GSE1: variants seen among roughly 807,000 people sequenced by gnomAD.
GSE1 encodes Gse1 coiled-coil protein.
In GSE1, 32 loss-of-function variants were observed where a neutral mutation model predicts 112.6. That is an observed-to-expected ratio of 0.28 (90% confidence interval 0.21 to 0.38). The LOEUF (loss-of-function observed/expected upper bound fraction) is 0.38, where lower values mean the gene tolerates loss of function less well. GSE1 is among the 10% of genes least tolerant of loss of function. GSE1 has a pLI of 1.00. For synonymous variants in GSE1, 1,115 were observed against 735.6 expected (o/e 1.52, Z -8.35); for missense variants, 2,348 against 1,699.2 (o/e 1.38, Z -6.71).
At chr16:85,518,253 G>A (rs1279203084) in intron 2 of GSE1, among the ~76,000 whole-genome samples, 1 of 152,228 alleles carries the variant, frequency 6.6e-6, no homozygotes, top group East Asian at 1.9e-4. Context: ...CTCTGGGTGT[G>A]AGGGCCCAAG....
chr16:85,510,521 G>A (rs1332637192), intron 2 of GSE1, among the ~76,000 whole-genome samples: 1 of 152,212 alleles, frequency 6.6e-6, no homozygotes, highest in East Asian at 1.9e-4. Flanking sequence ...GCAGCTGTGT[G>A]TGTGAGAACA....
At chr16:85,384,840 A>T (rs2047649931) in intron 2 of GSE1, among the ~76,000 whole-genome samples, 1 of 152,196 alleles carries the variant, frequency 6.6e-6, no homozygotes, top group Admixed American at 6.5e-5. Flanking sequence ...ACAGGAGGGG[A>T]CAGAGCAGGC....
intron 2 of GSE1, among the ~76,000 whole-genome samples, chr16:85,634,896 G>A (rs1313208427): frequency 6.6e-6 from 1 of 152,148 alleles, no homozygotes; most frequent in Non-Finnish European, 1.5e-5. Flanking sequence ...AGCTGCTGGG[G>A]GCCTTGGCCA....
chr16:85,640,108 C>T (rs2050319932), intron 2 of GSE1, among the ~76,000 whole-genome samples: 3 of 152,158 alleles, frequency 2.0e-5, no homozygotes, highest in African/African-American at 2.4e-5. Flanking sequence ...TCCTGGCTGG[C>T]GAGGAAGCCC....
upstream of GSE1, chr16:85,554,879 T>C (rs2045120960): frequency 1.0e-6 from 1 of 985,200 alleles, no homozygotes; most frequent in Non-Finnish European, 1.2e-6. Flanking sequence ...CGCCCACTGT[T>C]TGCAAACGGC....
chr16:85,413,568 G>A (rs569106053), intron 2 of GSE1, among the ~76,000 whole-genome samples: 3 of 152,256 alleles, frequency 2.0e-5, no homozygotes, highest in South Asian at 2.1e-4. Flanking sequence ...GTAAAGTCAC[G>A]TTAAGCACAC....
upstream of GSE1, among the ~76,000 whole-genome samples, chr16:85,552,373 C>T (rs530212557): frequency 9.2e-6 from 1 of 108,208 alleles, no homozygotes; most frequent in African/African-American, 3.1e-5. Flanking sequence ...CGCTCTGTGC[C>T]CAGGCTGGAG....
chr16:85,558,315 G>A (rs1046912398), intron 1 of GSE1, among the ~76,000 whole-genome samples: 1 of 152,244 alleles, frequency 6.6e-6, no homozygotes, highest in Admixed American at 6.5e-5. Flanking sequence ...CGGCAGCTAT[G>A]CCTGCCTTGG....
intron 3 of GSE1, among the ~76,000 whole-genome samples, chr16:85,650,737 A>G (rs1373758056): frequency 6.6e-6 from 1 of 152,258 alleles, no homozygotes; most frequent in African/African-American, 2.4e-5. Flanking sequence ...GCTCGGGCAC[A>G]GAGGCTCAGC....
At chr16:85,442,174 C>T (rs1280922712) in intron 2 of GSE1, among the ~76,000 whole-genome samples, 1 of 152,236 alleles carries the variant, frequency 6.6e-6, no homozygotes, top group Admixed American at 6.5e-5. Flanking sequence ...TTTCAGGCCT[C>T]AGCTCAGGTA....
chr16:85,175,022 T>C (rs1597717907), intron 1 of GSE1, among the ~76,000 whole-genome samples: 1 of 149,072 alleles, frequency 6.7e-6, no homozygotes, highest in Middle Eastern at 3.4e-3. Context: ...CCCAGAACCA[T>C]GATCTCTGCT....
chr16:85,287,397 C>T (rs868160629), intron 1 of GSE1, among the ~76,000 whole-genome samples: 7 of 152,220 alleles, frequency 4.6e-5, no homozygotes, highest in Admixed American at 6.5e-5. Flanking sequence ...GTGAAACAGC[C>T]GTGCATGTCC....
chr16:85,434,326 T>TC (rs2049190871), intron 2 of GSE1, among the ~76,000 whole-genome samples: 1 of 145,524 alleles, frequency 6.9e-6, no homozygotes, highest in Non-Finnish European at 1.5e-5. Context: ...ATAATAATAA[T>TC]AATAATAATA....
At chr16:85,403,695 G>C (rs1274566156) in intron 2 of GSE1, among the ~76,000 whole-genome samples, 2 of 152,132 alleles carry the variant, frequency 1.3e-5, no homozygotes, top group African/African-American at 4.8e-5. Context: ...CCAGCTATGT[G>C]GGAGGCTGAG....
At chr16:85,196,292 G>T (rs1195286715) in intron 1 of GSE1, among the ~76,000 whole-genome samples, 1 of 152,126 alleles carries the variant, frequency 6.6e-6, no homozygotes, top group Non-Finnish European at 1.5e-5. Flanking sequence ...GGGAGAGAAG[G>T]CCCCTCTGTC....
At chr16:85,603,939 CT>C (rs1395955934) in intron 1 of GSE1, among the ~76,000 whole-genome samples, 1 of 152,278 alleles carries the variant, frequency 6.6e-6, no homozygotes, top group African/African-American at 2.4e-5. Flanking sequence ...AAATCATTTT[CT>C]TTTTTTCTTT....
At position 85,668,430 on chromosome 16, in the gene GSE1, G is replaced by C. The variant is rs763139719; in HGVS notation, c.3415+6G>C. The C allele has an allele frequency of 6.3e-6, 10 of 1,581,572 alleles. 1 individual carries two copies. The South Asian group carries it at 1.0e-4, about 16-fold the overall frequency. On this transcript the variant is annotated splice_donor_region_variant and intron_variant, in intron 14 of 15. Coordinates refer to ENST00000253458, the MANE Select transcript of GSE1 (RefSeq NM_014615.5). ...TTACCAGGAACACATAGAAGGTAAG[G>C]GGGTGCTGGGGAAGAGGGGGGAGGG...
At chr16:85,333,946 G>A (rs575282076) in intron 1 of GSE1, among the ~76,000 whole-genome samples, 2 of 152,284 alleles carry the variant, frequency 1.3e-5, no homozygotes, top group South Asian at 2.1e-4. Flanking sequence ...GCTGAGCTAC[G>A]CCTTTGGCCT....
chr16:85,592,727 C>G (rs1361809017), intron 1 of GSE1: 1 of 152,312 alleles, frequency 6.6e-6, no homozygotes, highest in Non-Finnish European at 1.5e-5. Flanking sequence ...AAATGCGTGA[C>G]AGTTCCTGCT....
Sources: gnomAD v4.1 joint callset for allele counts (sites outside exome capture counted in the v4.1 genomes callset) on GRCh38, gnomAD v4.1.1 for gene constraint, MANE v1.5 for transcripts, NCBI Gene and HGNC (gene_info 2026-07-23, HGNC 2026-07-21) for gene names.